ANK2: variants seen among roughly 807,000 people sequenced by gnomAD.
ANK2 encodes the protein ankyrin-2.
ANK2 carries 83 observed loss-of-function variants against 360.5 expected under a neutral mutation model. The observed-to-expected ratio is 0.23, with a 90% CI of 0.19 to 0.28. The LOEUF is 0.28. ANK2 is among the 10% of genes least tolerant of loss of function. The pLI is 1.00. For synonymous variants in ANK2, 1,740 were observed against 1,759.5 expected, an observed-to-expected ratio of 0.99 and a Z score of 0.28; for missense variants, 4,201 against 4,795.7, an observed-to-expected ratio of 0.88 and a Z score of 3.66.
intron 2 of ANK2, among the ~76,000 whole-genome samples, chr4:112,953,801 A>G (rs776163277): frequency 3.3e-5 from 5 of 152,184 alleles, no homozygotes; most frequent in Non-Finnish European, 7.4e-5. Flanking sequence ...GTGGTTTAAT[A>G]AGCATCTCAT....
intron 2 of ANK2, among the ~76,000 whole-genome samples, chr4:112,970,937 A>G (rs1294589408): frequency 6.6e-6 from 1 of 152,208 alleles, no homozygotes; most frequent in Non-Finnish European, 1.5e-5. Flanking sequence ...ATATTTCAAA[A>G]CATCATGTTG....
the ANK2 span, among the ~76,000 whole-genome samples, chr4:112,776,778 A>G: frequency 6.6e-6 from 1 of 152,322 alleles, no homozygotes; most frequent in East Asian, 1.9e-4. Context: ...TCTATCAGGG[A>G]CACAGGAAGT....
At chr4:112,939,068 C>A (rs1436285171) in intron 2 of ANK2, among the ~76,000 whole-genome samples, 1 of 151,810 alleles carries the variant, frequency 6.6e-6, no homozygotes, top group Non-Finnish European at 1.5e-5. Context: ...CTTTTTTGTG[C>A]GTTATAGTTT....
intron 2 of ANK2, among the ~76,000 whole-genome samples, chr4:112,973,090 G>T (rs544320965): frequency 2.1e-4 from 32 of 151,636 alleles, no homozygotes; most frequent in African/African-American, 7.3e-4. Context: ...TGGGTGATAG[G>T]TGCTTTCAAA....
chr4:113,191,186 C>CA (rs2098657022), intron 2 of ANK2, among the ~76,000 whole-genome samples: 1 of 151,754 alleles, frequency 6.6e-6, no homozygotes, highest in Non-Finnish European at 1.5e-5. Context: ...CTAAAAATAC[C>CA]AAAAAAATTA....
chr4:112,718,260 C>T, the ANK2 span, among the ~76,000 whole-genome samples: 1 of 152,216 alleles, frequency 6.6e-6, no homozygotes, highest in African/African-American at 2.4e-5. Flanking sequence ...GATGGGGAGA[C>T]AAGGATGCTT....
rs566174030 is a variant in ANK2, at chr4:113,315,684, G to A, written c.2694-2023G>A. On this transcript the variant is annotated intron_variant, in intron 24 of 45. Transcript: ENST00000357077. The stretch of plus-strand genomic sequence containing the variant: ...GAGGCCAAGGTGGGCGGATCACGAG[G>A]TCAGGAGATCGAGACCATCCTGGCT... 1.9e-4 allele frequency among the ~76,000 whole-genome samples: 29 copies of A among 152,188 alleles called. No homozygotes were observed. In the South Asian group the frequency reaches 5.8e-3, roughly 30 times the overall value.
chr4:113,376,310 T>C (rs2096931846), intron 45 of ANK2, among the ~76,000 whole-genome samples: 1 of 152,216 alleles, frequency 6.6e-6, no homozygotes, highest in Non-Finnish European at 1.5e-5. Context: ...CTGAATACTG[T>C]AGGCAATTAT....
At chr4:113,306,685 C>CCA (rs1277103200) in intron 23 of ANK2, among the ~76,000 whole-genome samples, 2 of 152,006 alleles carry the variant, frequency 1.3e-5, no homozygotes, top group African/African-American at 4.8e-5. Context: ...GGATATCATT[C>CCA]CACATATATA....
intron 18 of ANK2, among the ~76,000 whole-genome samples, chr4:113,286,255 T>C (rs2064518997): frequency 6.6e-6 from 1 of 152,178 alleles, no homozygotes; most frequent in African/African-American, 2.4e-5. Context: ...ATATTCACAT[T>C]TTTTATACAT....
At chr4:113,083,165 T>C (rs1253551045) in intron 1 of ANK2, among the ~76,000 whole-genome samples, 2 of 152,186 alleles carry the variant, frequency 1.3e-5, no homozygotes, top group Non-Finnish European at 2.9e-5. Flanking sequence ...ACATGTGCCA[T>C]GCTGGTGTGC....
intron 45 of ANK2, among the ~76,000 whole-genome samples, chr4:113,380,981 G>T (rs776395734): frequency 4.6e-4 from 70 of 152,102 alleles, no homozygotes; most frequent in Non-Finnish European, 7.2e-4. Flanking sequence ...CATAATTTTG[G>T]GAAGTTTGGG....
At chr4:112,866,966 TA>T (rs774758972) in intron 1 of ANK2, among the ~76,000 whole-genome samples, 26 of 152,124 alleles carry the variant, frequency 1.7e-4, no homozygotes, top group Non-Finnish European at 5.9e-5. Flanking sequence ...ACTTTTCATG[TA>T]ATCAAAAATT....
intron 2 of ANK2, among the ~76,000 whole-genome samples, chr4:113,040,586 T>C (rs1424171456): frequency 6.6e-6 from 1 of 152,112 alleles, no homozygotes; most frequent in Non-Finnish European, 1.5e-5. Context: ...GACACAAAGA[T>C]CTTTCCTCCC....
chr4:113,364,891 C>A, intron 40 of ANK2, 148 bp from the exon 41 acceptor site: 2 of 1,020,470 alleles, frequency 2.0e-6, no homozygotes, highest in South Asian at 1.5e-5. Flanking sequence ...TCTCTTTTGT[C>A]TGTTGGCTTA....
At chr4:113,165,248 C>T (rs1303208361) in intron 1 of ANK2, among the ~76,000 whole-genome samples, 2 of 152,066 alleles carry the variant, frequency 1.3e-5, no homozygotes, top group African/African-American at 2.4e-5. Context: ...TTATTTTATA[C>T]CCAATTAATA....
chr4:113,244,885 G>A (rs988608879), intron 9 of ANK2, among the ~76,000 whole-genome samples: 3 of 152,104 alleles, frequency 2.0e-5, no homozygotes, highest in Non-Finnish European at 2.9e-5. Context: ...CTGTTCTTGT[G>A]TTAGTTTGCT....
intron 25 of ANK2, among the ~76,000 whole-genome samples, chr4:113,318,204 A>T (rs1315772690): frequency 6.6e-6 from 1 of 152,226 alleles, no homozygotes; most frequent in Non-Finnish European, 1.5e-5. Flanking sequence ...AAGGCTTAAA[A>T]TTTATTCTGG....
Position 113,282,798 on chromosome 4 carries a change from G to A in ANK2, c.2005G>A (p.Ala669Thr). ...TKQGVTPLHL[A>T]SQEGHTDMVT... ...GCAAGGAGTAACTCCACTCCATCTG[G>A]CCTCGCAGGAGGGGCACACAGATAT... is the stretch of plus-strand genomic sequence containing the variant. Residue 669 changes from alanine to threonine, a missense_variant, in exon 18 of 46, where the codon GCC becomes ACC. Transcript: ENST00000357077. The A allele has an allele frequency of 6.2e-7, 1 of 1,614,022 alleles. No homozygotes were observed. Among genetic ancestry groups the A allele is most frequent in the South Asian group, 1.1e-5 (1 of 91,078 alleles).
Sources: gnomAD v4.1 joint callset for allele counts (sites outside exome capture counted in the v4.1 genomes callset) on GRCh38, gnomAD v4.1.1 for gene constraint, MANE v1.5 for transcripts, NCBI Gene and HGNC (gene_info 2026-07-23, HGNC 2026-07-21) for gene names.